Variants in DNAJC1 observed in about 807,000 individuals in gnomAD.
DNAJC1 encodes the protein DnaJ heat shock protein family (Hsp40) member C1, also known as dnaJ homolog subfamily C member 1.
In DNAJC1, 58 loss-of-function variants were observed where a neutral mutation model predicts 76.6. The observed-to-expected ratio is 0.76, with a 90% CI of 0.61 to 0.94. DNAJC1 has a LOEUF of 0.94. Ranked by LOEUF, DNAJC1 falls within the 40% of genes least tolerant of loss-of-function variation. The pLI is 0.00. For synonymous variants in DNAJC1, 258 were observed against 267.9 expected (o/e 0.96, Z 0.36); for missense variants, 689 against 677.3 (o/e 1.02, Z -0.19).
intron 6 of DNAJC1, among the ~76,000 whole-genome samples, chr10:21,911,750 T>A (rs1836867708): frequency 6.6e-6 from 1 of 152,166 alleles, no homozygotes; most frequent in Admixed American, 6.5e-5. Flanking sequence ...TTTATGATGG[T>A]GAGATAGTGA....
intron 8 of DNAJC1, among the ~76,000 whole-genome samples, chr10:21,815,878 T>C (rs942712856): frequency 8.6e-5 from 13 of 151,636 alleles, no homozygotes; most frequent in Non-Finnish European, 4.4e-5. Flanking sequence ...CCCGAGTAGC[T>C]GGGATCACAG....
chr10:21,968,137 T>C (rs193023233), intron 1 of DNAJC1, among the ~76,000 whole-genome samples: 2 of 152,352 alleles, frequency 1.3e-5, no homozygotes, highest in East Asian at 3.9e-4. Flanking sequence ...CAATGGATTA[T>C]TTACATTTAT....
chr10:21,773,172 G>A (rs1589974643), intron 9 of DNAJC1, among the ~76,000 whole-genome samples: 1 of 152,140 alleles, frequency 6.6e-6, no homozygotes, highest in African/African-American at 2.4e-5. Flanking sequence ...TCTTTTTTCT[G>A]TGTGCTTTAG....
intron 8 of DNAJC1, among the ~76,000 whole-genome samples, chr10:21,849,093 C>G (rs1431056283): frequency 6.6e-6 from 1 of 151,638 alleles, no homozygotes; most frequent in Non-Finnish European, 1.5e-5. Context: ...AGTTCAAGAC[C>G]AATCTGGCCA....
intron 1 of DNAJC1, among the ~76,000 whole-genome samples, chr10:21,960,345 C>T (rs1418691122): frequency 6.6e-6 from 1 of 151,984 alleles, no homozygotes; most frequent in Non-Finnish European, 1.5e-5. Context: ...CAACTAAATA[C>T]AAAAACAGGC....
At chr10:21,777,136 A>T (rs1399683415) in intron 9 of DNAJC1, among the ~76,000 whole-genome samples, 1 of 152,188 alleles carries the variant, frequency 6.6e-6, no homozygotes, top group Non-Finnish European at 1.5e-5. Context: ...CAGTTCTTTA[A>T]TGAATATCAT....
intron 8 of DNAJC1, among the ~76,000 whole-genome samples, chr10:21,863,871 A>G (rs576526345): frequency 6.7e-4 from 102 of 152,264 alleles, no homozygotes; most frequent in African/African-American, 2.4e-3. Context: ...ACCTAACATA[A>G]TTGGTGGTAA....
chr10:21,902,953 GT>G (rs1026756040), intron 7 of DNAJC1, among the ~76,000 whole-genome samples: 2 of 151,896 alleles, frequency 1.3e-5, no homozygotes, highest in Non-Finnish European at 2.9e-5. Context: ...TTGAGACAGA[GT>G]TTCACTCTTG....
At chr10:21,789,453 A>G (rs1159480963) in intron 9 of DNAJC1, among the ~76,000 whole-genome samples, 1 of 152,202 alleles carries the variant, frequency 6.6e-6, no homozygotes, top group Admixed American at 6.5e-5. Context: ...CAGGGACACA[A>G]GAAATATGAA....
At chr10:21,885,920 A>G (rs996964290) in intron 7 of DNAJC1, among the ~76,000 whole-genome samples, 3 of 152,166 alleles carry the variant, frequency 2.0e-5, no homozygotes, top group African/African-American at 7.2e-5. Context: ...ATCACAACGG[A>G]AAGAATTAGA....
At chr10:21,811,486 T>G (rs1352980027) in intron 8 of DNAJC1, among the ~76,000 whole-genome samples, 1 of 152,214 alleles carries the variant, frequency 6.6e-6, no homozygotes, top group African/African-American at 2.4e-5. Flanking sequence ...TGCAGAGGAT[T>G]TAGCAGTCTC....
chr10:21,763,977 G>A (rs547166097), intron 10 of DNAJC1, among the ~76,000 whole-genome samples: 4 of 152,288 alleles, frequency 2.6e-5, no homozygotes, highest in East Asian at 1.9e-4. Flanking sequence ...TATCAAAGAT[G>A]AGAAAGTTTA....
intron 1 of DNAJC1, among the ~76,000 whole-genome samples, chr10:21,956,234 C>A (rs1837679358): frequency 6.6e-6 from 1 of 152,022 alleles, no homozygotes; most frequent in Admixed American, 6.6e-5. Flanking sequence ...AGGAACCCAC[C>A]CCAATAACTA....
chr10:21,941,248 G>A (rs1198191316), intron 1 of DNAJC1, among the ~76,000 whole-genome samples: 13 of 110,744 alleles, frequency 1.2e-4, no homozygotes, highest in Admixed American at 4.1e-4. Context: ...CAGCCTGGGC[G>A]ACAGAGCAAG....
At chr10:21,894,248 T>C (rs1462070811) in intron 7 of DNAJC1, among the ~76,000 whole-genome samples, 1 of 152,178 alleles carries the variant, frequency 6.6e-6, no homozygotes, top group Non-Finnish European at 1.5e-5. Flanking sequence ...CAAGAATTAA[T>C]ACCAGTGTTA....
intron 8 of DNAJC1, among the ~76,000 whole-genome samples, chr10:21,827,279 A>G (rs1835276780): frequency 6.6e-6 from 1 of 152,034 alleles, no homozygotes; most frequent in Non-Finnish European, 1.5e-5. Flanking sequence ...GTATCATGCT[A>G]TCCACTCTTT....
intron 9 of DNAJC1, among the ~76,000 whole-genome samples, chr10:21,771,517 G>A (rs77164093): frequency 6.8e-6 from 1 of 147,198 alleles, no homozygotes; most frequent in Non-Finnish European, 1.5e-5. Context: ...TTTTTTTTTT[G>A]AGACGCAGTC....
intron 8 of DNAJC1, among the ~76,000 whole-genome samples, chr10:21,870,830 A>G (rs1564813088): frequency 2.0e-5 from 3 of 151,982 alleles, no homozygotes; most frequent in Non-Finnish European, 4.4e-5. Context: ...GACAGACAGA[A>G]AGACAGACAT....
intron 3 of DNAJC1, among the ~76,000 whole-genome samples, chr10:21,924,282 T>C (rs1337645245): frequency 6.6e-6 from 1 of 152,154 alleles, no homozygotes; most frequent in Non-Finnish European, 1.5e-5. Flanking sequence ...AGTTAATAAA[T>C]TTATAAAAGT....
Sources: allele counts gnomAD v4.1 joint callset (sites outside exome capture counted in the v4.1 genomes callset), GRCh38; gene constraint gnomAD v4.1.1; transcripts MANE v1.5; gene names NCBI Gene and HGNC (gene_info 2026-07-23, HGNC 2026-07-21).